Variants in SHISA9 observed in about 807,000 individuals in gnomAD.
The protein encoded by SHISA9 is protein shisa-9.
SHISA9 carries 13 observed loss-of-function variants against 38.0 expected under a neutral mutation model. That is an observed-to-expected ratio of 0.34 (90% CI 0.22 to 0.54). The LOEUF is 0.54. Ranked by LOEUF, SHISA9 falls within the 20% of genes least tolerant of loss-of-function variation. The probability of loss-of-function intolerance (pLI) is 0.91; values close to 1 mark genes in which losing one functional copy is unlikely to be tolerated. For missense variants in SHISA9, 538 were observed against 575.8 expected, an observed-to-expected ratio of 0.93 and a Z score of 0.67; for synonymous variants, 275 against 242.0, an observed-to-expected ratio of 1.14 and a Z score of -1.27.
chr16:12,911,264 C>G (rs985676125), intron 1 of SHISA9: 7 of 985,282 alleles, frequency 7.1e-6, no homozygotes, highest in Admixed American at 6.1e-5. Flanking sequence ...ACCGTAACAT[C>G]TGAGAAGCAC....
At chr16:13,372,293 A>C in the SHISA9 span, among the ~76,000 whole-genome samples, 1 of 152,338 alleles carries the variant, frequency 6.6e-6, no homozygotes, top group African/African-American at 2.4e-5. Flanking sequence ...TTTAACAAAT[A>C]ACAAGGTGCT....
At position 13,236,670 on chromosome 16, in the gene SHISA9, C is replaced by T. The variant is rs1482278433; in HGVS notation, c.*1261C>T. On this transcript the variant is annotated 3_prime_UTR_variant, in exon 5 of 5. Transcript: ENST00000558583. ...CTGCAGTAGTAGAAGATGTTTCCATCCTTCCTTTGTAGGTGAGCCCACCCC... is the reference window on the plus strand; with the variant it reads ...CTGCAGTAGTAGAAGATGTTTCCATTCTTCCTTTGTAGGTGAGCCCACCCC... The T allele has an allele frequency of 6.6e-6, 1 of 152,150 alleles. No homozygotes were observed. Among genetic ancestry groups the T allele is most frequent in the East Asian group, 1.9e-4 (1 of 5,198 alleles). The allele number at this position is 152,150 out of a possible 1,614,324, so 9.4% of individuals were successfully genotyped here.
chr16:13,286,759 G>T, the SHISA9 span, among the ~76,000 whole-genome samples: 4 of 152,144 alleles, frequency 2.6e-5, no homozygotes, highest in African/African-American at 7.2e-5. Context: ...AAAAGGAAAT[G>T]AAGTTAGCAT....
intron 4 of SHISA9, among the ~76,000 whole-genome samples, 180 bp downstream of exon 4, chr16:13,213,480 G>T (rs2051139580): frequency 6.6e-6 from 1 of 152,108 alleles, no homozygotes; most frequent in African/African-American, 2.4e-5. Context: ...GTGTGTGTGT[G>T]TGTGCATCTA....
chr16:12,977,666 A>C (rs1386121071), intron 2 of SHISA9, among the ~76,000 whole-genome samples: 1 of 152,178 alleles, frequency 6.6e-6, no homozygotes, highest in African/African-American at 2.4e-5. Context: ...TGTCTTTTGC[A>C]GGGACATGGA....
chr16:13,197,145 G>GTATA (rs377723168), intron 2 of SHISA9, among the ~76,000 whole-genome samples: 1,802 of 119,744 alleles, frequency 0.015, 32 homozygotes, highest in African/African-American at 0.053. Flanking sequence ...ACATATATGT[G>GTATA]TATATATATA....
At chr16:13,449,961 A>C in the SHISA9 span, among the ~76,000 whole-genome samples, 1 of 151,808 alleles carries the variant, frequency 6.6e-6, no homozygotes, top group African/African-American at 2.4e-5. Context: ...CTAAAAATAC[A>C]AAAAAAATAG....
chr16:13,362,710 C>G, the SHISA9 span, among the ~76,000 whole-genome samples: 1 of 152,200 alleles, frequency 6.6e-6, no homozygotes, highest in African/African-American at 2.4e-5. Flanking sequence ...GTAGTTTCCT[C>G]TCTTTCACTT....
chr16:13,169,557 G>A (rs1271283985), intron 2 of SHISA9, among the ~76,000 whole-genome samples: 1 of 152,148 alleles, frequency 6.6e-6, no homozygotes, highest in Non-Finnish European at 1.5e-5. Context: ...AATTGTGGAT[G>A]AAAAACCACA....
At chr16:13,173,266 A>T (rs1252774436) in intron 2 of SHISA9, among the ~76,000 whole-genome samples, 1 of 151,960 alleles carries the variant, frequency 6.6e-6, no homozygotes, top group African/African-American at 2.4e-5. Flanking sequence ...ATATAAACAC[A>T]CAGAAATGCT....
rs2051424999 is a variant in SHISA9 at position 13,240,346 on chromosome 16, T to C, written c.*4937T>C. On this transcript the variant is annotated 3_prime_UTR_variant, in exon 5 of 5. Transcript: ENST00000558583. ...CATTTGTTTGTTTTCTAAGAATGTT[T>C]ATTTGTAAACATATGTATTCACTAT... The C allele has an allele frequency of 6.6e-6, 1 of 152,250 alleles. No individual in the cohort carries two copies. The highest frequency in any genetic ancestry group is 1.5e-5 in the Non-Finnish European group (1 of 68,042). The allele number at this position is 152,250 out of a possible 1,614,324, so 9.4% of individuals were successfully genotyped here.
the SHISA9 span, among the ~76,000 whole-genome samples, chr16:13,283,522 G>C: frequency 6.6e-6 from 1 of 152,100 alleles, no homozygotes; most frequent in African/African-American, 2.4e-5. Context: ...GCAGGGAAGA[G>C]AGAATGAGAG....
chr16:13,518,860 C>G, the SHISA9 span, among the ~76,000 whole-genome samples: 1 of 152,136 alleles, frequency 6.6e-6, no homozygotes, highest in South Asian at 2.1e-4. Context: ...GGCCTTCTTG[C>G]TGCATCATTC....
the SHISA9 span, among the ~76,000 whole-genome samples, chr16:13,255,300 T>C: frequency 1.3e-5 from 2 of 152,304 alleles, no homozygotes; most frequent in Admixed American, 6.5e-5. Flanking sequence ...TTCTTCCTTT[T>C]TGTTTCATGC....
the SHISA9 span, among the ~76,000 whole-genome samples, chr16:13,254,357 G>A: frequency 1.3e-5 from 2 of 152,194 alleles, no homozygotes; most frequent in Admixed American, 1.3e-4. Context: ...GGAGAGAGAA[G>A]ATAAGACAAC....
At chr16:13,488,511 C>G in the SHISA9 span, among the ~76,000 whole-genome samples, 1 of 152,080 alleles carries the variant, frequency 6.6e-6, no homozygotes, top group Non-Finnish European at 1.5e-5. Context: ...ATAGTATTCT[C>G]TTTTTACTGT....
chr16:13,487,475 C>T, the SHISA9 span, among the ~76,000 whole-genome samples: 1 of 152,192 alleles, frequency 6.6e-6, no homozygotes, highest in Non-Finnish European at 1.5e-5. Flanking sequence ...GGCTGCCACA[C>T]ACTTTTAAAT....
At chr16:13,039,485 GTTTTTTTT>G (rs5815735) in intron 2 of SHISA9, among the ~76,000 whole-genome samples, 1 of 126,822 alleles carries the variant, frequency 7.9e-6, no homozygotes, top group Non-Finnish European at 1.7e-5. Context: ...ATGTCATGGG[GTTTTTTTT>G]TTTTTTTTTT....
intron 2 of SHISA9, among the ~76,000 whole-genome samples, chr16:13,023,016 T>C: frequency 1.0e-5 from 1 of 99,152 alleles, no homozygotes; most frequent in South Asian, 2.7e-4. Context: ...TTTCTGTCTT[T>C]TATTTATTTA....
Sources: gnomAD v4.1 joint callset for allele counts (sites outside exome capture counted in the v4.1 genomes callset) on GRCh38, gnomAD v4.1.1 for gene constraint, MANE v1.5 for transcripts, NCBI Gene and HGNC (gene_info 2026-07-23, HGNC 2026-07-21) for gene names.